The following DPYD variants were observed in gnomAD, a reference collection of about 807,000 sequenced individuals.
DPYD encodes the protein dihydropyrimidine dehydrogenase.
In DPYD, 109 loss-of-function variants were observed where a neutral mutation model predicts 116.2. The ratio of observed to expected loss-of-function variants is 0.94; its 90% CI spans 0.80 to 1.10. The LOEUF is 1.10. Ranked by LOEUF, DPYD falls within the 50% of genes least tolerant of loss-of-function variation. The pLI is 0.00. For missense variants in DPYD, 1,302 were observed against 1,254.5 expected (o/e 1.04, Z -0.57); for synonymous variants, 440 against 432.0 (o/e 1.02, Z -0.23).
rs540081847 is a variant in DPYD, at chr1:97,705,439, C to G, written c.484-5892G>C. Among the ~76,000 whole-genome samples the G allele has an allele frequency of 1.1e-4, 16 of 152,132 alleles. No individual in the cohort carries two copies. The East Asian group carries it at 2.5e-3, about 24-fold the overall frequency. Reference sequence around the variant, plus strand: ...GAAAATGATGGTTTTCAGCTTCATCCATGTCCCTACAAAGGACATGAACTC... The same window carrying G: ...GAAAATGATGGTTTTCAGCTTCATCGATGTCCCTACAAAGGACATGAACTC... On this transcript the variant is annotated intron_variant, in intron 5 of 22. Coordinates refer to ENST00000370192, the MANE Select transcript of DPYD (RefSeq NM_000110.4).
intron 12 of DPYD, chr1:97,546,575 C>A (rs895321024): frequency 1.4e-5 from 22 of 1,607,078 alleles, no homozygotes; most frequent in Middle Eastern, 3.6e-4. Flanking sequence ...GAAACCAAAT[C>A]AAAAATAACA....
intron 1 of DPYD, among the ~76,000 whole-genome samples, chr1:97,904,255 C>T (rs1673500170): frequency 6.6e-6 from 1 of 151,922 alleles, no homozygotes; most frequent in Non-Finnish European, 1.5e-5. Context: ...TTAAAGATGT[C>T]ATTATTAAAA....
At chr1:97,522,211 AAAAC>A (rs200000874) in intron 12 of DPYD, among the ~76,000 whole-genome samples, 1,879 of 152,328 alleles carry the variant, frequency 0.012, 22 homozygotes, top group Middle Eastern at 0.024. Context: ...AACTTACAAG[AAAAC>A]AAACAAACAA....
intron 11 of DPYD, among the ~76,000 whole-genome samples, chr1:97,567,685 C>T (rs1390231165): frequency 6.6e-6 from 1 of 152,074 alleles, no homozygotes; most frequent in African/African-American, 2.4e-5. Context: ...AATTTTCAAG[C>T]ATTTAAAATC....
chr1:97,770,472 GA>G (rs963500708), intron 3 of DPYD, among the ~76,000 whole-genome samples: 59 of 151,506 alleles, frequency 3.9e-4, no homozygotes, highest in Middle Eastern at 6.8e-3. Context: ...TAAGAAAAGG[GA>G]AAAAAAAATT....
chr1:97,735,280 C>A (rs1056772479), intron 4 of DPYD, among the ~76,000 whole-genome samples: 10 of 152,048 alleles, frequency 6.6e-5, no homozygotes, highest in African/African-American at 9.7e-5. Context: ...GAACACAAAG[C>A]ACTCAGTGGA....
chr1:97,464,227 A>C (rs1557729923), intron 13 of DPYD, among the ~76,000 whole-genome samples: 1 of 148,736 alleles, frequency 6.7e-6, no homozygotes, highest in Non-Finnish European at 1.5e-5. Context: ...CAACAGAGCA[A>C]GACTCTGTCT....
At chr1:97,588,010 AAAAGGCACAT>A (rs1654259294) in intron 10 of DPYD, among the ~76,000 whole-genome samples, 1 of 152,154 alleles carries the variant, frequency 6.6e-6, no homozygotes, top group Non-Finnish European at 1.5e-5. Context: ...AAAATCAGGT[AAAAGGCACAT>A]TCTTTTAAAT....
intron 10 of DPYD, among the ~76,000 whole-genome samples, chr1:97,585,059 T>C (rs1654001628): frequency 6.6e-6 from 1 of 151,940 alleles, no homozygotes. Context: ...ATTTTGAAAA[T>C]TTCATATTAA....
chr1:97,477,909 T>A (rs764415927), intron 13 of DPYD, among the ~76,000 whole-genome samples: 2 of 152,210 alleles, frequency 1.3e-5, no homozygotes, highest in African/African-American at 4.8e-5. Context: ...CTGTTCTTAA[T>A]GAAACCTAGA....
chr1:97,821,315 G>C (rs1337140508), intron 3 of DPYD, among the ~76,000 whole-genome samples: 2 of 104,832 alleles, frequency 1.9e-5, no homozygotes, highest in South Asian at 3.2e-4. Flanking sequence ...TGGACAACAA[G>C]ACTGAAACTC....
Position 97,697,073 on chromosome 1 carries a change from TTTTG to T in DPYD, c.680+2274_680+2277del, listed in dbSNP as rs1248745901. 3.3e-5 allele frequency among the ~76,000 whole-genome samples: 5 copies of T among 152,244 alleles called. No homozygotes were observed. In the East Asian group the frequency reaches 7.7e-4, roughly 23 times the overall value. On this transcript the variant is annotated intron_variant, in intron 6 of 22. Coordinates refer to ENST00000370192, the MANE Select transcript of DPYD (RefSeq NM_000110.4). ...CATTCTTGAAAATCTATTAGCACTA[TTTTG>T]TTTATCTTTGTTATAATATCAAGCC...
rs756171330 is a variant in DPYD, at chr1:97,182,855, T to C, written c.2622+10214A>G. Among the ~76,000 whole-genome samples the C allele has an allele frequency of 2.0e-5, 3 of 152,176 alleles. No individual in the cohort carries two copies. The East Asian group carries it at 5.8e-4, about 29-fold the overall frequency. On this transcript the variant is annotated intron_variant, in intron 20 of 22. Coordinates refer to ENST00000370192, the MANE Select transcript of DPYD (RefSeq NM_000110.4). Reference sequence around the variant, plus strand: ...AGATTTTCCATTTTAAGATTCTATATACTCATCAATAAAATTAAATTTTCT... The same window carrying C: ...AGATTTTCCATTTTAAGATTCTATACACTCATCAATAAAATTAAATTTTCT...
At chr1:97,324,070 G>C (rs572171157) in intron 16 of DPYD, among the ~76,000 whole-genome samples, 1 of 152,116 alleles carries the variant, frequency 6.6e-6, no homozygotes, top group South Asian at 2.1e-4. Flanking sequence ...AGTATCCCAT[G>C]ATGGCAGTAG....
At position 97,816,760 on chromosome 1, in the gene DPYD, A is replaced by G. The variant is rs543506113; in HGVS notation, c.233+11354T>C. Among the ~76,000 whole-genome samples, 11 of 152,262 alleles carry G rather than the reference A, an allele frequency of 7.2e-5. No homozygotes were observed. The South Asian group carries it at 2.3e-3, about 32-fold the overall frequency. ...TTGCATATTGGTGATTTCACAAGCT[A>G]GATTGTCTGTTTAATTCCTAATCAC... On this transcript the variant is annotated intron_variant, in intron 3 of 22. Transcript: ENST00000370192.
At chr1:97,080,155 CA>C (rs1184334481) in intron 22 of DPYD, among the ~76,000 whole-genome samples, 2 of 150,776 alleles carry the variant, frequency 1.3e-5, no homozygotes, top group East Asian at 1.9e-4. Flanking sequence ...GTCTCACTTG[CA>C]AAAAAAATAC....
At chr1:97,543,476 C>G (rs1219962898) in intron 12 of DPYD, among the ~76,000 whole-genome samples, 2 of 152,148 alleles carry the variant, frequency 1.3e-5, no homozygotes, top group African/African-American at 4.8e-5. Context: ...CAAAGAATTT[C>G]TAAACACCCA....
intron 20 of DPYD, among the ~76,000 whole-genome samples, chr1:97,157,221 C>T (rs1236160911): frequency 6.6e-6 from 1 of 151,718 alleles, no homozygotes; most frequent in Admixed American, 6.6e-5. Flanking sequence ...ACATATGTAA[C>T]TAACCTGCAC....
intron 11 of DPYD, among the ~76,000 whole-genome samples, chr1:97,554,397 G>A (rs148365155): frequency 3.3e-5 from 5 of 152,066 alleles, no homozygotes; most frequent in Non-Finnish European, 4.4e-5. Flanking sequence ...AGTATTCTTT[G>A]GAGAGTTTGA....
Sources: gnomAD v4.1 joint callset for allele counts (sites outside exome capture counted in the v4.1 genomes callset) on GRCh38, gnomAD v4.1.1 for gene constraint, MANE v1.5 for transcripts, NCBI Gene and HGNC (gene_info 2026-07-23, HGNC 2026-07-21) for gene names.